LRCH2: variants seen among roughly 807,000 people sequenced by gnomAD.
LRCH2 encodes the protein leucine rich repeats and calponin homology domain containing 2, also known as leucine-rich repeat and calponin homology domain-containing protein 2.
LRCH2 carries 38 observed loss-of-function variants against 68.9 expected under a neutral mutation model. The observed-to-expected ratio is 0.55, with a 90% CI of 0.43 to 0.72. LRCH2 has a LOEUF of 0.72. LRCH2 is among the 30% of genes least tolerant of loss of function. LRCH2 has a pLI of 0.00. For synonymous variants in LRCH2, 191 were observed against 208.1 expected (o/e 0.92, Z 0.71); for missense variants, 528 against 572.9 (o/e 0.92, Z 0.80).
At chrX:115,201,025 T>C (rs782664018) in intron 1 of LRCH2, among the ~76,000 whole-genome samples, 5 of 111,901 alleles carry the variant, frequency 4.5e-5, no homozygotes, top group Admixed American at 3.8e-4. Flanking sequence ...AAGAGGTTTA[T>C]TGGACTTACA....
chrX:115,195,125 A>T (rs2072877748), intron 1 of LRCH2, among the ~76,000 whole-genome samples: 1 of 110,515 alleles, frequency 9.0e-6, no homozygotes, highest in Non-Finnish European at 1.9e-5. Flanking sequence ...TCTTACTAAA[A>T]ATACAAAAAT....
intron 1 of LRCH2, among the ~76,000 whole-genome samples, chrX:115,194,015 A>G (rs1439123452): frequency 9.0e-6 from 1 of 111,211 alleles, no homozygotes; most frequent in Non-Finnish European, 1.9e-5. Context: ...CCCTCATAAA[A>G]ACAACCTCCT....
intron 3 of LRCH2, among the ~76,000 whole-genome samples, chrX:115,183,465 C>A: frequency 9.0e-6 from 1 of 111,329 alleles, no homozygotes; most frequent in Non-Finnish European, 1.9e-5. Context: ...GAGGCCGAAG[C>A]AAGTGGATCA....
chrX:115,148,202 T>C (rs1003566522), intron 14 of LRCH2, among the ~76,000 whole-genome samples: 2 of 112,596 alleles, frequency 1.8e-5, no homozygotes, highest in African/African-American at 6.4e-5. Flanking sequence ...ACTCTGCCAC[T>C]TATTACTAAG....
intron 14 of LRCH2, among the ~76,000 whole-genome samples, chrX:115,145,295 T>C (rs1000753984): frequency 3.6e-5 from 4 of 111,100 alleles, no homozygotes; most frequent in African/African-American, 9.8e-5. Flanking sequence ...AAAAATCAAA[T>C]CAAAATGGAT....
At chrX:115,117,554 G>A (rs1472151202) in intron 20 of LRCH2, among the ~76,000 whole-genome samples, 1 of 111,591 alleles carries the variant, frequency 9.0e-6, no homozygotes, top group Non-Finnish European at 1.9e-5. Context: ...ATGTCCATCA[G>A]CAGGTCAAGG....
At chrX:115,143,405 C>A (rs1361968524) in intron 14 of LRCH2, among the ~76,000 whole-genome samples, 1 of 111,197 alleles carries the variant, frequency 9.0e-6, no homozygotes, top group African/African-American at 3.3e-5. Flanking sequence ...TTCCTAGACA[C>A]ATAAAACCTA....
At chrX:115,198,012 A>G (rs1206478196) in intron 1 of LRCH2, among the ~76,000 whole-genome samples, 1 of 86,479 alleles carries the variant, frequency 1.2e-5, no homozygotes, top group Non-Finnish European at 2.2e-5. Flanking sequence ...AAATAAAGAA[A>G]AAGAATGAAC....
chrX:115,122,498 GA>G (rs782609528), intron 20 of LRCH2, 28 bp downstream of exon 20: 1 of 1,128,008 alleles, frequency 8.9e-7, no homozygotes, highest in Non-Finnish European at 1.2e-6. Flanking sequence ...AAATTTAAGT[GA>G]TCACGTTGTT....
intron 20 of LRCH2, among the ~76,000 whole-genome samples, chrX:115,116,465 T>C (rs1244394045): frequency 9.0e-6 from 1 of 110,949 alleles, no homozygotes; most frequent in Non-Finnish European, 1.9e-5. Context: ...AGACCACATA[T>C]TGTATGATTT....
chrX:115,178,234 G>A (rs782667542), intron 5 of LRCH2, among the ~76,000 whole-genome samples: 100 of 112,014 alleles, frequency 8.9e-4, no homozygotes, highest in Non-Finnish European at 1.5e-3. Flanking sequence ...CTGTGGGGCT[G>A]AGGGCAAGAA....
chrX:115,161,181 C>A (rs897826855), intron 11 of LRCH2, among the ~76,000 whole-genome samples: 1 of 111,037 alleles, frequency 9.0e-6, no homozygotes, highest in African/African-American at 3.3e-5. Context: ...GGCGAAACCC[C>A]GTCTCTACTA....
chrX:115,231,505 A>T (rs1314418309), intron 1 of LRCH2, among the ~76,000 whole-genome samples: 1 of 111,758 alleles, frequency 8.9e-6, no homozygotes, highest in Non-Finnish European at 1.9e-5. Flanking sequence ...AAGATATCTA[A>T]TTTAAATGAA....
At chrX:115,147,192 C>T (rs1344895302) in intron 14 of LRCH2, among the ~76,000 whole-genome samples, 4 of 111,592 alleles carry the variant, frequency 3.6e-5, no homozygotes, top group Non-Finnish European at 7.5e-5. Context: ...TCCAGATTAG[C>T]TTTAATAATA....
chrX:115,197,855 A>T (rs367885484), intron 1 of LRCH2, among the ~76,000 whole-genome samples: 76 of 37,860 alleles, frequency 2.0e-3, no homozygotes, highest in Admixed American at 2.9e-3. Flanking sequence ...TCTCACACAC[A>T]CACACACACA....
At chrX:115,125,641 ATATATATATACACG>A in intron 16 of LRCH2, among the ~76,000 whole-genome samples, 1 of 84,955 alleles carries the variant, frequency 1.2e-5, no homozygotes, top group East Asian at 3.4e-4. Context: ...ATATATATAC[ATATATATATACACG>A]TATATATATA....
intron 12 of LRCH2, among the ~76,000 whole-genome samples, chrX:115,152,516 A>C (rs1194201102): frequency 8.9e-6 from 1 of 112,024 alleles, no homozygotes; most frequent in African/African-American, 3.2e-5. Flanking sequence ...AATTAACTGC[A>C]GATTAGACAT....
At chrX:115,169,849 AGAT>A (rs782813215) in intron 6 of LRCH2, among the ~76,000 whole-genome samples, 2 of 111,299 alleles carry the variant, frequency 1.8e-5, no homozygotes, top group South Asian at 7.6e-4. Context: ...TGTTCATCAA[AGAT>A]GATATATCAT....
intron 1 of LRCH2, among the ~76,000 whole-genome samples, chrX:115,197,886 C>A (rs1322907744): frequency 4.3e-5 from 4 of 93,623 alleles, no homozygotes; most frequent in African/African-American, 1.6e-4. Flanking sequence ...CACACACATT[C>A]CGAAACTAAA....
Sources: gnomAD v4.1 joint callset for allele counts (sites outside exome capture counted in the v4.1 genomes callset) on GRCh38, gnomAD v4.1.1 for gene constraint, MANE v1.5 for transcripts, NCBI Gene and HGNC (gene_info 2026-07-23, HGNC 2026-07-21) for gene names.